The following TENM3 variants were observed in gnomAD, a reference collection of about 807,000 sequenced individuals.
TENM3 encodes the protein teneurin-3.
A neutral mutation model predicts 255.1 loss-of-function variants in TENM3; 63 were observed. The ratio of observed to expected loss-of-function variants is 0.25; its 90% CI spans 0.20 to 0.30. The LOEUF is 0.30. Among genes scored for constraint, TENM3 ranks in the 10% least tolerant of loss-of-function variants. The pLI, the probability that TENM3 is intolerant of heterozygous loss-of-function variation, is 1.00. For missense variants in TENM3, 2,929 were observed against 3,461.1 expected, an observed-to-expected ratio of 0.85 and a Z score of 3.86; for synonymous variants, 1,306 against 1,322.3, an observed-to-expected ratio of 0.99 and a Z score of 0.27.
the TENM3 span, among the ~76,000 whole-genome samples, chr4:182,059,414 T>C: frequency 2.0e-5 from 3 of 152,106 alleles, no homozygotes; most frequent in Non-Finnish European, 4.4e-5. Context: ...GCATCACAAA[T>C]TCTTTTTGTG....
At chr4:182,704,785 C>T (rs901424665) in intron 12 of TENM3, among the ~76,000 whole-genome samples, 31 of 150,404 alleles carry the variant, frequency 2.1e-4, no homozygotes, top group African/African-American at 7.3e-4. Flanking sequence ...GGAGCAGATC[C>T]CTTTAAAGCA....
chr4:181,791,476 A>G, the TENM3 span, among the ~76,000 whole-genome samples: 1 of 152,236 alleles, frequency 6.6e-6, no homozygotes, highest in East Asian at 1.9e-4. Context: ...TTGTAAACAA[A>G]GTGTGAAGAA....
chr4:181,843,469 C>T, the TENM3 span, among the ~76,000 whole-genome samples: 6 of 152,150 alleles, frequency 3.9e-5, no homozygotes, highest in African/African-American at 1.4e-4. Context: ...CGCCAGTATA[C>T]TAAGAATTTG....
At chr4:181,851,982 C>A in the TENM3 span, among the ~76,000 whole-genome samples, 1 of 152,112 alleles carries the variant, frequency 6.6e-6, no homozygotes, top group African/African-American at 2.4e-5. Context: ...TTGAGCAGAC[C>A]ATCAAATTCA....
At chr4:182,363,583 T>G (rs1766189919) in intron 3 of TENM3, among the ~76,000 whole-genome samples, 1 of 152,102 alleles carries the variant, frequency 6.6e-6, no homozygotes, top group Admixed American at 6.5e-5. Flanking sequence ...TAATCAGATT[T>G]AAGTTTTTAA....
intron 26 of TENM3, 139 bp downstream of exon 26, chr4:182,794,024 A>C (rs1165353685): frequency 1.4e-6 from 1 of 736,050 alleles, no homozygotes; most frequent in Non-Finnish European, 2.2e-6. Context: ...AAATGTGTTT[A>C]TTTCTTTATG....
the TENM3 span, among the ~76,000 whole-genome samples, chr4:182,077,322 C>T: frequency 1.3e-5 from 2 of 152,192 alleles, no homozygotes; most frequent in Middle Eastern, 6.8e-3. Context: ...CTTGGGATTG[C>T]TAAAATGCTT....
At chr4:181,825,953 C>T in the TENM3 span, among the ~76,000 whole-genome samples, 14 of 152,282 alleles carry the variant, frequency 9.2e-5, no homozygotes, top group South Asian at 2.5e-3. Flanking sequence ...AGAGTATATT[C>T]TAATAGTGAC....
chr4:182,779,734 T>C (rs1765012248), intron 24 of TENM3, among the ~76,000 whole-genome samples: 1 of 152,200 alleles, frequency 6.6e-6, no homozygotes, highest in Admixed American at 6.5e-5. Flanking sequence ...TTTCCTGACT[T>C]TTTAATGATT....
At chr4:182,366,157 A>G (rs1388144114) in intron 3 of TENM3, among the ~76,000 whole-genome samples, 1 of 152,022 alleles carries the variant, frequency 6.6e-6, no homozygotes, top group South Asian at 2.1e-4. Context: ...CCCTTAATCT[A>G]TTTGTAAATA....
chr4:182,780,108 T>A (rs1765046193), intron 24 of TENM3, among the ~76,000 whole-genome samples: 2 of 152,116 alleles, frequency 1.3e-5, no homozygotes, highest in Non-Finnish European at 2.9e-5. Context: ...GCTTTTGGTG[T>A]TTTAGACATG....
chr4:181,647,690 G>C, the TENM3 span, among the ~76,000 whole-genome samples: 2 of 152,184 alleles, frequency 1.3e-5, no homozygotes, highest in Non-Finnish European at 2.9e-5. Flanking sequence ...GATGAATATA[G>C]AAACGGGGGC....
the TENM3 span, among the ~76,000 whole-genome samples, chr4:181,661,600 C>A: frequency 6.6e-6 from 1 of 152,038 alleles, no homozygotes; most frequent in Non-Finnish European, 1.5e-5. Context: ...GTTTTACTAG[C>A]CCCTACTGAA....
At chr4:182,475,952 A>C (rs1448712207) in intron 3 of TENM3, among the ~76,000 whole-genome samples, 1 of 152,168 alleles carries the variant, frequency 6.6e-6, no homozygotes, top group African/African-American at 2.4e-5. Context: ...TCTCTCTCGT[A>C]CATTTGAATA....
At chr4:182,079,002 C>T in the TENM3 span, among the ~76,000 whole-genome samples, 35 of 152,188 alleles carry the variant, frequency 2.3e-4, no homozygotes, top group Non-Finnish European at 4.6e-4. Context: ...GCTAACACCA[C>T]AATTTCCATT....
intron 1 of TENM3, among the ~76,000 whole-genome samples, chr4:182,172,528 A>G (rs1752177938): frequency 6.6e-6 from 1 of 152,194 alleles, no homozygotes; most frequent in Non-Finnish European, 1.5e-5. Context: ...AACCAAATGC[A>G]CAAGATACTA....
the TENM3 span, among the ~76,000 whole-genome samples, chr4:181,861,717 G>A: frequency 3.9e-5 from 6 of 152,034 alleles, no homozygotes; most frequent in Non-Finnish European, 8.8e-5. Flanking sequence ...GGTTAGCTCC[G>A]TGATGGTTTA....
chr4:182,640,356 G>C (rs1326385977), intron 5 of TENM3, among the ~76,000 whole-genome samples: 4 of 152,268 alleles, frequency 2.6e-5, no homozygotes, highest in Non-Finnish European at 5.9e-5. Context: ...CTTTTCCACT[G>C]GGTTTCCCAA....
the TENM3 span, among the ~76,000 whole-genome samples, chr4:181,919,858 T>A: frequency 6.7e-6 from 1 of 150,028 alleles, no homozygotes; most frequent in Non-Finnish European, 1.5e-5. Context: ...GCATTAGGTA[T>A]ATCTCCTAAT....
Sources: allele counts gnomAD v4.1 joint callset (sites outside exome capture counted in the v4.1 genomes callset), GRCh38; gene constraint gnomAD v4.1.1; transcripts MANE v1.5; gene names NCBI Gene and HGNC (gene_info 2026-07-23, HGNC 2026-07-21).